Variants in OSBP2 observed in about 807,000 individuals in gnomAD.
OSBP2 encodes the protein oxysterol binding protein 2.
A neutral mutation model predicts 96.0 loss-of-function variants in OSBP2; 66 were observed. The ratio of observed to expected loss-of-function variants is 0.69; its 90% CI spans 0.56 to 0.84. The LOEUF is 0.84. Ranked by LOEUF, OSBP2 falls within the 40% of genes least tolerant of loss-of-function variation. The pLI is 0.00. For synonymous variants in OSBP2, 525 were observed against 520.9 expected (o/e 1.01, Z -0.11); for missense variants, 1,038 against 1,222.7 (o/e 0.85, Z 2.25).
chr22:30,878,298 G>A (rs991371423), intron 3 of OSBP2, among the ~76,000 whole-genome samples: 1 of 152,258 alleles, frequency 6.6e-6, no homozygotes, highest in African/African-American at 2.4e-5. Flanking sequence ...TGCGCTATCC[G>A]CGAGGCAGGG....
intron 2 of OSBP2, among the ~76,000 whole-genome samples, chr22:30,864,611 C>T (rs750138609): frequency 6.6e-6 from 1 of 152,096 alleles, no homozygotes; most frequent in African/African-American, 2.4e-5. Context: ...CCCAGGACCC[C>T]GTGAGTGCGC....
At chr22:30,737,818 T>A (rs1275811885) in intron 1 of OSBP2, among the ~76,000 whole-genome samples, 1 of 151,624 alleles carries the variant, frequency 6.6e-6, no homozygotes, top group East Asian at 2.0e-4. Context: ...ATTCAAGCGA[T>A]TGTCCTGCCT....
chr22:30,742,512 C>T (rs760652281), intron 2 of OSBP2, among the ~76,000 whole-genome samples: 3 of 152,140 alleles, frequency 2.0e-5, no homozygotes, highest in Non-Finnish European at 2.9e-5. Context: ...CAGTCACTCA[C>T]CCCATTCTCC....
chr22:30,700,140 A>T (rs2089133197), intron 1 of OSBP2, among the ~76,000 whole-genome samples: 2 of 151,448 alleles, frequency 1.3e-5, no homozygotes, highest in Admixed American at 6.6e-5. Flanking sequence ...TTTTTTTTGT[A>T]TTTTTAGTAG....
chr22:30,705,642 G>A (rs2089241479), intron 1 of OSBP2, among the ~76,000 whole-genome samples: 1 of 152,136 alleles, frequency 6.6e-6, no homozygotes, highest in African/African-American at 2.4e-5. Flanking sequence ...GAGTTCTTCA[G>A]CTGCTGCTAC....
chr22:30,765,200 T>C (rs530004606), intron 2 of OSBP2, among the ~76,000 whole-genome samples: 1 of 151,956 alleles, frequency 6.6e-6, no homozygotes, highest in Non-Finnish European at 1.5e-5. Context: ...CCCCCATTTT[T>C]ATTTTTTATT....
At chr22:30,699,458 ATG>A (rs1029355522) in intron 1 of OSBP2, among the ~76,000 whole-genome samples, 1 of 152,180 alleles carries the variant, frequency 6.6e-6, no homozygotes, top group African/African-American at 2.4e-5. Context: ...AGAATTGTGA[ATG>A]TTCATCTTAC....
At chr22:30,808,321 C>T (rs184625418) in intron 2 of OSBP2, among the ~76,000 whole-genome samples, 106 of 152,138 alleles carry the variant, frequency 7.0e-4, no homozygotes, top group Middle Eastern at 3.4e-3. Context: ...GGCAACATAG[C>T]AAGATCCTGT....
chr22:30,731,174 A>T (rs928996276), intron 1 of OSBP2, among the ~76,000 whole-genome samples: 4 of 151,874 alleles, frequency 2.6e-5, no homozygotes, highest in Middle Eastern at 3.4e-3. Flanking sequence ...ACTCCATCTC[A>T]AATAAATAAA....
intron 2 of OSBP2, among the ~76,000 whole-genome samples, chr22:30,767,925 C>T (rs934476680): frequency 6.6e-6 from 1 of 152,156 alleles, no homozygotes; most frequent in Admixed American, 6.5e-5. Context: ...AGTCAGTTCC[C>T]AGGTATCCAC....
intron 2 of OSBP2, among the ~76,000 whole-genome samples, chr22:30,847,280 C>T (rs2038889248): frequency 6.6e-6 from 1 of 151,452 alleles, no homozygotes; most frequent in Non-Finnish European, 1.5e-5. Context: ...CACCCAGGCT[C>T]ATTCTTTTTT....
intron 2 of OSBP2, among the ~76,000 whole-genome samples, chr22:30,805,692 A>G (rs1384732043): frequency 6.6e-6 from 1 of 152,220 alleles, no homozygotes; most frequent in East Asian, 1.9e-4. Context: ...TGTGAAGGCC[A>G]TGAAAGGACT....
At chr22:30,879,165 G>C (rs1381568129) in intron 3 of OSBP2, among the ~76,000 whole-genome samples, 1 of 152,244 alleles carries the variant, frequency 6.6e-6, no homozygotes, top group Non-Finnish European at 1.5e-5. Flanking sequence ...GGCCAACCCA[G>C]GCAGGGGTGA....
In OSBP2 at chr22:30,700,668, T is replaced by C. The variant is rs531859545; in HGVS notation, c.644+5115T>C. Reference sequence around the variant, plus strand: ...TGATTTCAAACAGAAGCATTTTAAATAATTTATTTATTGTTCATACTGATC... The same window carrying C: ...TGATTTCAAACAGAAGCATTTTAAACAATTTATTTATTGTTCATACTGATC... On this transcript the variant is annotated intron_variant, in intron 1 of 13. Coordinates refer to ENST00000332585, the MANE Select transcript of OSBP2 (RefSeq NM_030758.4). 1.4e-4 allele frequency among the ~76,000 whole-genome samples: 22 copies of C among 152,252 alleles called. No homozygotes were observed. The South Asian group carries it at 3.5e-3, about 24-fold the overall frequency.
chr22:30,889,081 A>G (rs2039883954), intron 5 of OSBP2, 96 bp from the exon 6 acceptor site: 1 of 1,034,804 alleles, frequency 9.7e-7, no homozygotes, highest in Non-Finnish European at 1.4e-6. Flanking sequence ...GACATTTACT[A>G]GCAATGAAAA....
At chr22:30,747,212 G>A (rs1270062184) in intron 2 of OSBP2, among the ~76,000 whole-genome samples, 1 of 152,198 alleles carries the variant, frequency 6.6e-6, no homozygotes, top group Non-Finnish European at 1.5e-5. Flanking sequence ...AGGAACTAGG[G>A]GGAGATGGGA....
chr22:30,854,768 ATGG>A (rs2039047160), intron 2 of OSBP2, among the ~76,000 whole-genome samples: 1 of 151,912 alleles, frequency 6.6e-6, no homozygotes, highest in African/African-American at 2.4e-5. Context: ...AACATCTCTT[ATGG>A]AGTAAGTGTA....
At chr22:30,779,151 G>A (rs1175136573) in intron 2 of OSBP2, among the ~76,000 whole-genome samples, 1 of 150,232 alleles carries the variant, frequency 6.7e-6, no homozygotes, top group Non-Finnish European at 1.5e-5. Flanking sequence ...GCCTGATCTC[G>A]GCTCACTGCA....
intron 1 of OSBP2, among the ~76,000 whole-genome samples, chr22:30,711,760 A>T (rs1185851319): frequency 6.7e-6 from 1 of 148,802 alleles, no homozygotes; most frequent in African/African-American, 2.4e-5. Context: ...AAAAAAAAAA[A>T]ATTAAGTCCA....
Sources: gnomAD v4.1 joint callset for allele counts (sites outside exome capture counted in the v4.1 genomes callset) on GRCh38, gnomAD v4.1.1 for gene constraint, MANE v1.5 for transcripts, NCBI Gene and HGNC (gene_info 2026-07-23, HGNC 2026-07-21) for gene names.